Variants in THSD7B observed in about 807,000 individuals in gnomAD.
THSD7B encodes the protein thrombospondin type-1 domain-containing protein 7B.
Under a neutral mutation model 213.6 loss-of-function variants are expected in THSD7B, and 138 were observed. The observed-to-expected ratio is 0.65, with a 90% CI of 0.56 to 0.74. The LOEUF (loss-of-function observed/expected upper bound fraction) is 0.74, where lower values mean the gene tolerates loss of function less well. Ranked by LOEUF, THSD7B falls within the 30% of genes least tolerant of loss-of-function variation. The pLI is 0.00. For missense variants in THSD7B, 1,931 were observed against 1,991.5 expected (o/e 0.97, Z 0.58); for synonymous variants, 742 against 687.0 (o/e 1.08, Z -1.25).
intron 6 of THSD7B, among the ~76,000 whole-genome samples, chr2:137,170,430 C>T (rs1444387993): frequency 6.6e-6 from 1 of 152,074 alleles, no homozygotes; most frequent in Admixed American, 6.5e-5. Flanking sequence ...TTCTGAGTCT[C>T]CATTTATTTT....
intron 10 of THSD7B, among the ~76,000 whole-genome samples, chr2:137,253,522 T>C (rs1022664826): frequency 6.6e-6 from 1 of 152,206 alleles, no homozygotes; most frequent in Non-Finnish European, 1.5e-5. Context: ...AATATGAGTG[T>C]TCTTTCTTTA....
intron 1 of THSD7B, among the ~76,000 whole-genome samples, chr2:136,801,219 T>A (rs1393366891): frequency 6.6e-6 from 1 of 152,104 alleles, no homozygotes; most frequent in Non-Finnish European, 1.5e-5. Flanking sequence ...AATTTTAGAC[T>A]AAAATAAATC....
chr2:137,491,570 C>T (rs888796137), intron 15 of THSD7B, among the ~76,000 whole-genome samples: 3 of 152,128 alleles, frequency 2.0e-5, no homozygotes, highest in African/African-American at 7.2e-5. Flanking sequence ...ACTAGTATTC[C>T]GTCATCATGT....
chr2:136,913,067 A>G (rs1377304946), intron 2 of THSD7B, among the ~76,000 whole-genome samples: 1 of 152,226 alleles, frequency 6.6e-6, no homozygotes, highest in Non-Finnish European at 1.5e-5. Context: ...TTTGTGCCAA[A>G]TGCTGATAGT....
chr2:137,504,874 A>G (rs1679799540), intron 15 of THSD7B, among the ~76,000 whole-genome samples: 1 of 152,100 alleles, frequency 6.6e-6, no homozygotes, highest in African/African-American at 2.4e-5. Context: ...AAGGCAATGT[A>G]TTAGAGAAAA....
At chr2:136,888,638 T>G (rs547273841) in intron 2 of THSD7B, among the ~76,000 whole-genome samples, 1 of 152,132 alleles carries the variant, frequency 6.6e-6, no homozygotes, top group African/African-American at 2.4e-5. Flanking sequence ...TCCAAAAGTA[T>G]AGACATATGG....
chr2:137,187,562 T>G (rs1680574799), intron 7 of THSD7B, among the ~76,000 whole-genome samples: 1 of 152,160 alleles, frequency 6.6e-6, no homozygotes, highest in Non-Finnish European at 1.5e-5. Flanking sequence ...ACAGGTATCT[T>G]CCTGATCTCT....
At chr2:137,143,859 G>A (rs373880760) in intron 5 of THSD7B, among the ~76,000 whole-genome samples, 4 of 152,016 alleles carry the variant, frequency 2.6e-5, no homozygotes, top group South Asian at 2.1e-4. Flanking sequence ...ATTGGTTTGG[G>A]ATCTTTTTTT....
intron 2 of THSD7B, among the ~76,000 whole-genome samples, chr2:136,943,502 G>A (rs1479728579): frequency 1.2e-4 from 19 of 152,198 alleles, no homozygotes; most frequent in Middle Eastern, 3.4e-3. Flanking sequence ...CTGTGAATCT[G>A]TCTGGTCCTG....
chr2:137,043,446 C>T (rs191501927), intron 2 of THSD7B, among the ~76,000 whole-genome samples: 15 of 152,180 alleles, frequency 9.9e-5, no homozygotes, highest in Admixed American at 7.8e-4. Flanking sequence ...GCCTGCTCTG[C>T]CTGGTCACCC....
chr2:137,254,728 A>T (rs996676854), intron 10 of THSD7B, among the ~76,000 whole-genome samples: 2 of 152,186 alleles, frequency 1.3e-5, no homozygotes, highest in Non-Finnish European at 2.9e-5. Flanking sequence ...TATCCCATGC[A>T]AAGTTGCTCA....
At chr2:137,630,214 G>T (rs72983490) in intron 20 of THSD7B, among the ~76,000 whole-genome samples, 3,976 of 152,156 alleles carry the variant, frequency 0.026, 173 homozygotes, top group African/African-American at 0.092. Context: ...GGCTGGTCTT[G>T]AACTCCTGAG....
At chr2:136,794,286 C>T (rs1247213700) in intron 1 of THSD7B, among the ~76,000 whole-genome samples, 1 of 151,618 alleles carries the variant, frequency 6.6e-6, no homozygotes, top group Non-Finnish European at 1.5e-5. Context: ...TTCCTCTAGG[C>T]AGAAGCTTAG....
chr2:137,233,350 A>G (rs1440960865), intron 9 of THSD7B, among the ~76,000 whole-genome samples: 2 of 152,238 alleles, frequency 1.3e-5, no homozygotes, highest in Non-Finnish European at 2.9e-5. Flanking sequence ...ATGTATTAAT[A>G]TATCAGTTCT....
chr2:137,415,048 C>G (rs1476003715), intron 14 of THSD7B, among the ~76,000 whole-genome samples: 2 of 27,932 alleles, frequency 7.2e-5, no homozygotes, highest in East Asian at 4.6e-3. Context: ...AGAGCAAGAC[C>G]CTGTCTCAAA....
intron 12 of THSD7B, among the ~76,000 whole-genome samples, chr2:137,335,736 C>T (rs919163530): frequency 2.6e-5 from 4 of 152,120 alleles, no homozygotes; most frequent in East Asian, 1.9e-4. Context: ...ATGCTGGTTT[C>T]GAAGATTATT....
At chr2:137,559,912 A>T (rs1322570020) in intron 15 of THSD7B, among the ~76,000 whole-genome samples, 2 of 152,200 alleles carry the variant, frequency 1.3e-5, no homozygotes, top group Non-Finnish European at 2.9e-5. Flanking sequence ...ATATGAACAG[A>T]CACCTCTTAA....
chr2:137,533,829 G>A (rs370456615), intron 15 of THSD7B, among the ~76,000 whole-genome samples: 23 of 151,974 alleles, frequency 1.5e-4, no homozygotes, highest in African/African-American at 5.3e-4. Flanking sequence ...AATGTTGTTT[G>A]CTTGGCTGCT....
chr2:137,060,977 G>A (rs1409676460), intron 3 of THSD7B, among the ~76,000 whole-genome samples: 2 of 151,640 alleles, frequency 1.3e-5, no homozygotes, highest in African/African-American at 2.4e-5. Flanking sequence ...TCCTATTCTG[G>A]TACATAGGAT....
Sources: allele counts gnomAD v4.1 joint callset (sites outside exome capture counted in the v4.1 genomes callset), GRCh38; gene constraint gnomAD v4.1.1; transcripts MANE v1.5; gene names NCBI Gene and HGNC (gene_info 2026-07-23, HGNC 2026-07-21).